The following EPHB1 variants were observed in gnomAD, a reference collection of about 807,000 sequenced individuals.
EPHB1 encodes the protein ephrin type-B receptor 1.
Under a neutral mutation model 94.4 loss-of-function variants are expected in EPHB1, and 30 were observed. That is an observed-to-expected ratio of 0.32 (90% confidence interval 0.24 to 0.43). The LOEUF (loss-of-function observed/expected upper bound fraction) is 0.43. Ranked by LOEUF, EPHB1 falls within the 20% of genes least tolerant of loss-of-function variation. The pLI, the probability that EPHB1 is intolerant of heterozygous loss-of-function variation, is 1.00. For missense variants in EPHB1, 1,055 were observed against 1,308.3 expected (o/e 0.81, Z 2.99); for synonymous variants, 522 against 489.1 (o/e 1.07, Z -0.89).
intron 11 of EPHB1, among the ~76,000 whole-genome samples, chr3:135,196,753 G>A (rs372826868): frequency 5.3e-5 from 8 of 152,060 alleles, no homozygotes; most frequent in Admixed American, 2.0e-4. Context: ...TGGTCATAGC[G>A]TCTTTGGAGA....
At chr3:135,030,053 G>A (rs1322341294) in intron 3 of EPHB1, among the ~76,000 whole-genome samples, 4 of 150,606 alleles carry the variant, frequency 2.7e-5, no homozygotes, top group African/African-American at 4.9e-5. Context: ...CGTAGTTCTC[G>A]AGCCTTGGTT....
At position 134,795,637 on chromosome 3, in the gene EPHB1, C is replaced by G; in HGVS notation, c.6C>G (p.Ala2=). 1 of 1,606,900 alleles carries G rather than the reference C, an allele frequency of 6.2e-7. No homozygotes were observed. The highest frequency in any genetic ancestry group is 8.5e-7 in the Non-Finnish European group (1 of 1,177,336). The stretch of plus-strand genomic sequence containing the variant: ...CTGCGGGCCGTCGGCCGGCGATGGC[C>G]CTGGATTATCTACTACTGCTCCTCC... M[A]LDYLLLLLLA... The change falls in exon 1 of 16, where the codon GCC becomes GCG. Residue 2 remains alanine (A), a synonymous_variant. Coordinates refer to ENST00000398015, the MANE Select transcript of EPHB1 (RefSeq NM_004441.5).
At chr3:134,975,223 A>G (rs1175360007) in intron 3 of EPHB1, among the ~76,000 whole-genome samples, 1 of 152,168 alleles carries the variant, frequency 6.6e-6, no homozygotes, top group African/African-American at 2.4e-5. Flanking sequence ...ATGGGGACTC[A>G]GAGAGCTCAG....
chr3:135,171,312 G>A (rs577353878), intron 9 of EPHB1, among the ~76,000 whole-genome samples: 10 of 152,346 alleles, frequency 6.6e-5, no homozygotes, highest in South Asian at 6.2e-4. Context: ...AGTGGATACT[G>A]AGCTTGTCTT....
chr3:134,811,242 G>GTGTTTTTTTTTT (rs750299099), intron 1 of EPHB1, among the ~76,000 whole-genome samples: 1 of 73,850 alleles, frequency 1.4e-5, no homozygotes, highest in Non-Finnish European at 2.7e-5. Flanking sequence ...TACTAAGAAG[G>GTGTTTTTTTTTT]TTTTTTTTTT....
intron 5 of EPHB1, among the ~76,000 whole-genome samples, chr3:135,147,276 A>G (rs1941040328): frequency 6.6e-6 from 1 of 152,196 alleles, no homozygotes; most frequent in Non-Finnish European, 1.5e-5. Context: ...TTGGCTGGGA[A>G]ACGCTGTTCT....
At chr3:134,984,171 C>A (rs1435205360) in intron 3 of EPHB1, among the ~76,000 whole-genome samples, 3 of 152,212 alleles carry the variant, frequency 2.0e-5, no homozygotes, top group Non-Finnish European at 4.4e-5. Flanking sequence ...GTTTCATTCA[C>A]TGTGTCTGTG....
chr3:134,919,717 C>T (rs2038642171), intron 1 of EPHB1, among the ~76,000 whole-genome samples: 1 of 152,100 alleles, frequency 6.6e-6, no homozygotes, highest in Non-Finnish European at 1.5e-5. Flanking sequence ...AGCTCAGAGA[C>T]CCCTAGGGAA....
chr3:135,153,067 A>T (rs1941242680), intron 5 of EPHB1, among the ~76,000 whole-genome samples: 1 of 152,208 alleles, frequency 6.6e-6, no homozygotes, highest in Non-Finnish European at 1.5e-5. Context: ...GGACTCACTG[A>T]GGGTCCAATG....
intron 1 of EPHB1, among the ~76,000 whole-genome samples, chr3:134,857,690 C>A (rs1003498804): frequency 6.6e-6 from 1 of 152,096 alleles, no homozygotes; most frequent in African/African-American, 2.4e-5. Context: ...TGACACCTGT[C>A]CCAAGTGACA....
At chr3:134,861,490 G>A (rs563754215) in intron 1 of EPHB1, among the ~76,000 whole-genome samples, 1 of 152,294 alleles carries the variant, frequency 6.6e-6, no homozygotes, top group East Asian at 1.9e-4. Context: ...CAGACATAGA[G>A]AATTTGCAGT....
intron 3 of EPHB1, among the ~76,000 whole-genome samples, chr3:135,072,644 A>G (rs1937764247): frequency 6.6e-6 from 1 of 152,032 alleles, no homozygotes; most frequent in Admixed American, 6.5e-5. Flanking sequence ...TGCACATGTC[A>G]CTTCCTCTGC....
At chr3:135,126,513 C>T (rs1200876823) in intron 4 of EPHB1, among the ~76,000 whole-genome samples, 1 of 152,158 alleles carries the variant, frequency 6.6e-6, no homozygotes, top group African/African-American at 2.4e-5. Flanking sequence ...CAGGTACAGA[C>T]AGAAGTCACA....
chr3:134,871,458 C>T (rs900318363), intron 1 of EPHB1, among the ~76,000 whole-genome samples: 7 of 152,094 alleles, frequency 4.6e-5, no homozygotes, highest in East Asian at 1.9e-4. Context: ...GAGCTCCCAG[C>T]GGCTGGCTCG....
chr3:134,926,798 A>G (rs2038800232), intron 2 of EPHB1, among the ~76,000 whole-genome samples: 1 of 152,236 alleles, frequency 6.6e-6, no homozygotes, highest in Non-Finnish European at 1.5e-5. Flanking sequence ...ATTGTCGAGA[A>G]CAGTTGAGAG....
At chr3:135,207,720 C>A (rs544042369) in intron 12 of EPHB1, among the ~76,000 whole-genome samples, 23 of 152,324 alleles carry the variant, frequency 1.5e-4, no homozygotes, top group African/African-American at 3.6e-4. Context: ...AGCTACCACA[C>A]CCTGGATGGC....
rs771392868 is a variant in EPHB1 at position 135,248,507 on chromosome 3, C to T, written c.2688C>T (p.Ala896=). ...TCAAGACTGTGGCAACCATCACCGC[C>T]GTGTGAGTCTAGTGAAACGGTGATC... ...ASLKTVATIT[A]VPSQPLLDRS... The change falls in exon 14 of 16, where the codon GCC becomes GCT. Residue 896 remains alanine, a splice_region_variant and synonymous_variant. Coordinates refer to ENST00000398015, the MANE Select transcript of EPHB1 (RefSeq NM_004441.5). 11 of 1,592,824 alleles carry T rather than the reference C, an allele frequency of 6.9e-6. No individual in the cohort carries two copies. Among genetic ancestry groups the T allele is most frequent in the East Asian group, 4.5e-5 (2 of 44,012 alleles).
In EPHB1 at chr3:135,052,760, C is replaced by T. The variant is rs552768322; in HGVS notation, c.806-53688C>T. On this transcript the variant is annotated intron_variant, in intron 3 of 15. Coordinates refer to ENST00000398015, the MANE Select transcript of EPHB1 (RefSeq NM_004441.5). Reference sequence around the variant, plus strand: ...CCTGTAGTCCCAGCTACTCGGGAGGCTGAGGCAGGAGAATGGCGTGAACCC... The same window carrying T: ...CCTGTAGTCCCAGCTACTCGGGAGGTTGAGGCAGGAGAATGGCGTGAACCC... Among the ~76,000 whole-genome samples the T allele has an allele frequency of 3.6e-3, 514 of 141,146 alleles. 5 individuals are homozygous for T. The highest frequency in any genetic ancestry group is 0.013 in the African/African-American group (490 of 37,530). 92.6% of individuals were successfully genotyped at this position (141,146 alleles called of 152,430 possible).
intron 1 of EPHB1, among the ~76,000 whole-genome samples, chr3:134,798,084 C>T (rs751418314): frequency 3.9e-5 from 6 of 152,200 alleles, no homozygotes; most frequent in Non-Finnish European, 7.3e-5. Flanking sequence ...GAGCAGGTCC[C>T]TCCCAAACTC....
Sources: gnomAD v4.1 joint callset for allele counts (sites outside exome capture counted in the v4.1 genomes callset) on GRCh38, gnomAD v4.1.1 for gene constraint, MANE v1.5 for transcripts, NCBI Gene and HGNC (gene_info 2026-07-23, HGNC 2026-07-21) for gene names.